The following SLC12A7 variants were observed in gnomAD, a reference collection of about 807,000 sequenced individuals.
SLC12A7 encodes the protein solute carrier family 12 member 7, also known as K-Cl cotransporter 4.
A neutral mutation model predicts 120.6 loss-of-function variants in SLC12A7; 100 were observed. That is an observed-to-expected ratio of 0.83 (90% CI 0.71 to 0.98). The LOEUF (loss-of-function observed/expected upper bound fraction) is 0.98. Among genes scored for constraint, SLC12A7 ranks in the 50% least tolerant of loss-of-function variants. The pLI is 0.00. For missense variants in SLC12A7, 1,373 were observed against 1,548.1 expected (o/e 0.89, Z 1.90); for synonymous variants, 760 against 678.0 (o/e 1.12, Z -1.88).
chr5:1,124,566 G>A, the SLC12A7 span, among the ~76,000 whole-genome samples: 4 of 152,178 alleles, frequency 2.6e-5, no homozygotes, highest in Non-Finnish European at 5.9e-5. Context: ...TGGAAACACC[G>A]AAATCCAGAG....
At chr5:1,099,344 A>G (rs112037730) in intron 1 of SLC12A7, among the ~76,000 whole-genome samples, 1,344 of 52,536 alleles carry the variant, frequency 0.026, no homozygotes, top group Non-Finnish European at 0.055. Context: ...TCTGGGGCAC[A>G]GACATCAACC....
intron 14 of SLC12A7, 34 bp from the exon 15 acceptor site, chr5:1,075,524 A>G: frequency 1.3e-6 from 2 of 1,591,776 alleles, no homozygotes; most frequent in Non-Finnish European, 1.7e-6. Context: ...GGGCGGCCCA[A>G]CGCCATGCAG....
chr5:1,110,599 C>CG (rs1211496361), intron 1 of SLC12A7, among the ~76,000 whole-genome samples: 5 of 152,228 alleles, frequency 3.3e-5, no homozygotes, highest in South Asian at 2.1e-4. Context: ...GAGTGCGTTC[C>CG]GGGGGCGTTG....
the SLC12A7 span, among the ~76,000 whole-genome samples, chr5:1,139,750 C>T: frequency 5.3e-5 from 8 of 152,332 alleles, no homozygotes; most frequent in African/African-American, 1.4e-4. Flanking sequence ...CGGCAGGCCC[C>T]GTGTCTTTGG....
At chr5:1,076,951 C>T (rs1738418693) in intron 12 of SLC12A7, 139 bp from the exon 13 acceptor site, 1 of 660,096 alleles carries the variant, frequency 1.5e-6, no homozygotes, top group Non-Finnish European at 2.7e-6. Flanking sequence ...GTCCCCGGGA[C>T]ATCACGCGGC....
intron 1 of SLC12A7, among the ~76,000 whole-genome samples, chr5:1,099,020 G>A (rs1280958467): frequency 3.3e-5 from 5 of 152,084 alleles, no homozygotes; most frequent in Non-Finnish European, 4.4e-5. Context: ...AAGCCTGGGC[G>A]TGCGGTGCAG....
At chr5:1,132,163 T>C in the SLC12A7 span, among the ~76,000 whole-genome samples, 35,274 of 152,172 alleles carry the variant, frequency 0.23, 4,220 homozygotes, top group African/African-American at 0.27. Flanking sequence ...TTGTCCTCAC[T>C]GCTCATTACA....
intron 6 of SLC12A7, 48 bp downstream of exon 6, chr5:1,086,854 TC>T (rs1739913558): frequency 1.3e-6 from 2 of 1,598,356 alleles, no homozygotes; most frequent in Non-Finnish European, 1.7e-6. Context: ...CCCCTTGGCA[TC>T]CTGCCACAGA....
intron 21 of SLC12A7, among the ~76,000 whole-genome samples, chr5:1,058,648 A>G (rs1467698737): frequency 6.6e-6 from 1 of 152,222 alleles, no homozygotes; most frequent in Admixed American, 6.5e-5. Flanking sequence ...CCGAAAGGGA[A>G]GAGATTGGCA....
At chr5:1,148,466 G>A in the SLC12A7 span, among the ~76,000 whole-genome samples, 1 of 152,106 alleles carries the variant, frequency 6.6e-6, no homozygotes, top group African/African-American at 2.4e-5. Context: ...TGGCCTCCCA[G>A]AGTGCTGGTA....
At position 1,057,742 on chromosome 5, in the gene SLC12A7, C is replaced by T. The variant is rs1017103225; in HGVS notation, c.2848-93G>A. On this transcript the variant is annotated intron_variant, in intron 21 of 23. Transcript: ENST00000264930. ...TGCCAGGCCGGAGGTGAGGGCAGCT[C>T]ACAGAACCTGAAGGGCCCTGTGTGC... 2.4e-6 allele frequency: 3 copies of T among 1,269,798 alleles called. No individual in the cohort carries two copies. The African/African-American group carries it at 4.5e-5, about 19-fold the overall frequency. 78.7% of individuals were successfully genotyped at this position (1,269,798 alleles called of 1,614,324 possible).
the SLC12A7 span, among the ~76,000 whole-genome samples, chr5:1,127,455 GGA>G: frequency 6.6e-6 from 1 of 152,250 alleles, no homozygotes; most frequent in Non-Finnish European, 1.5e-5. Context: ...GGGGCAGGAA[GGA>G]GCCTCTTTTA....
chr5:1,131,649 A>C, the SLC12A7 span, among the ~76,000 whole-genome samples: 1 of 152,192 alleles, frequency 6.6e-6, no homozygotes, highest in African/African-American at 2.4e-5. Context: ...TGGGGCCCCC[A>C]GAATCCACCC....
At chr5:1,059,473 C>T (rs977095294) in intron 21 of SLC12A7, among the ~76,000 whole-genome samples, 34 of 152,218 alleles carry the variant, frequency 2.2e-4, no homozygotes, top group Admixed American at 6.5e-5. Context: ...GGTCTGCAGA[C>T]ACACGTGTGT....
chr5:1,099,505 G>GACATCAACCCAGCCCCGACCCAGTC (rs1741780680), intron 1 of SLC12A7, among the ~76,000 whole-genome samples: 10 of 151,666 alleles, frequency 6.6e-5, no homozygotes, highest in Admixed American at 2.0e-4. Context: ...CCGGGGGACG[G>GACATCAACCCAGCCCCGACCCAGTC]CAGGCATCCT....
chr5:1,126,525 C>T, the SLC12A7 span, among the ~76,000 whole-genome samples: 2 of 152,110 alleles, frequency 1.3e-5, no homozygotes, highest in Admixed American at 6.6e-5. Flanking sequence ...TACATATTCA[C>T]GTTTATTACA....
At chr5:1,066,496 C>T (rs1023872816) in intron 17 of SLC12A7, among the ~76,000 whole-genome samples, 10 of 152,118 alleles carry the variant, frequency 6.6e-5, no homozygotes, top group Non-Finnish European at 1.5e-4. Flanking sequence ...AATTTTAGGG[C>T]CGAGAGCTCA....
At chr5:1,095,932 C>T (rs1016957371) in intron 1 of SLC12A7, among the ~76,000 whole-genome samples, 3 of 152,222 alleles carry the variant, frequency 2.0e-5, no homozygotes, top group African/African-American at 7.2e-5. Context: ...CCATGGGGCA[C>T]ACCACAGAGA....
chr5:1,141,938 T>C, the SLC12A7 span, among the ~76,000 whole-genome samples: 6 of 152,206 alleles, frequency 3.9e-5, no homozygotes, highest in Admixed American at 1.3e-4. Flanking sequence ...GACCTGGTCA[T>C]GTGGAGTCTG....
Sources: gnomAD v4.1 joint callset for allele counts (sites outside exome capture counted in the v4.1 genomes callset) on GRCh38, gnomAD v4.1.1 for gene constraint, MANE v1.5 for transcripts, NCBI Gene and HGNC (gene_info 2026-07-23, HGNC 2026-07-21) for gene names.